FSTL4: variants seen among roughly 807,000 people sequenced by gnomAD.
FSTL4 encodes follistatin-related protein 4.
A neutral mutation model predicts 78.2 loss-of-function variants in FSTL4; 28 were observed. That is an observed-to-expected ratio of 0.36 (90% CI 0.27 to 0.49). The LOEUF (loss-of-function observed/expected upper bound fraction) is 0.49. Among genes scored for constraint, FSTL4 ranks in the 20% least tolerant of loss-of-function variants. The pLI is 0.98. For synonymous variants in FSTL4, 422 were observed against 440.5 expected (o/e 0.96, Z 0.53); for missense variants, 922 against 1,084.9 (o/e 0.85, Z 2.11).
chr5:133,574,137 G>A (rs181398948), intron 2 of FSTL4, among the ~76,000 whole-genome samples: 16 of 152,272 alleles, frequency 1.1e-4, no homozygotes, highest in East Asian at 3.9e-4. Context: ...TATATCTTAC[G>A]AATGACTTAT....
chr5:133,660,488 C>T, the FSTL4 span, among the ~76,000 whole-genome samples: 98,083 of 152,150 alleles, frequency 0.64, 32,471 homozygotes, highest in African/African-American at 0.8. Context: ...CCACAGGCCC[C>T]CTGCATCCTA....
chr5:133,392,444 T>A (rs1755873134), intron 4 of FSTL4, among the ~76,000 whole-genome samples: 1 of 152,150 alleles, frequency 6.6e-6, no homozygotes, highest in African/African-American at 2.4e-5. Flanking sequence ...CAGAGCTCAC[T>A]GCAGGAAGGA....
intron 4 of FSTL4, among the ~76,000 whole-genome samples, chr5:133,354,845 T>C (rs994491584): frequency 3.3e-5 from 5 of 152,242 alleles, no homozygotes; most frequent in Non-Finnish European, 7.3e-5. Flanking sequence ...GTGAGACTGA[T>C]GGCACCCAAG....
chr5:133,416,109 C>A (rs1309545998), intron 3 of FSTL4, among the ~76,000 whole-genome samples: 1 of 151,900 alleles, frequency 6.6e-6, no homozygotes, highest in Non-Finnish European at 1.5e-5. Flanking sequence ...AGGGAAGGGG[C>A]AGGGAAAAAA....
At chr5:133,621,574 G>A in the FSTL4 span, among the ~76,000 whole-genome samples, 7 of 152,250 alleles carry the variant, frequency 4.6e-5, no homozygotes, top group Non-Finnish European at 8.8e-5. Context: ...GCATGAGAAT[G>A]ATACAATGGA....
At chr5:133,498,110 G>A (rs1299312383) in intron 3 of FSTL4, among the ~76,000 whole-genome samples, 1 of 152,208 alleles carries the variant, frequency 6.6e-6, no homozygotes, top group Non-Finnish European at 1.5e-5. Flanking sequence ...CATACTGGGA[G>A]TTGGAGCAGT....
the FSTL4 span, among the ~76,000 whole-genome samples, chr5:133,740,153 G>T: frequency 6.6e-6 from 1 of 151,858 alleles, no homozygotes. Flanking sequence ...CAAAGTGCTG[G>T]GATTACAGGC....
At chr5:133,309,152 C>A (rs761312228) in intron 6 of FSTL4, among the ~76,000 whole-genome samples, 2 of 152,182 alleles carry the variant, frequency 1.3e-5, no homozygotes, top group East Asian at 1.9e-4. Context: ...CAGACAGGGC[C>A]AGCACACACC....
At chr5:133,658,924 CAT>C in the FSTL4 span, among the ~76,000 whole-genome samples, 1 of 152,024 alleles carries the variant, frequency 6.6e-6, no homozygotes, top group Non-Finnish European at 1.5e-5. Context: ...AATTTCCAGA[CAT>C]ATAGGGTTTT....
chr5:133,563,910 A>G (rs1177757094), intron 3 of FSTL4, among the ~76,000 whole-genome samples: 1 of 152,200 alleles, frequency 6.6e-6, no homozygotes, highest in Non-Finnish European at 1.5e-5. Flanking sequence ...ACATTTTCCA[A>G]GTGTATTACT....
the FSTL4 span, among the ~76,000 whole-genome samples, chr5:133,697,362 C>A: frequency 6.6e-6 from 1 of 152,214 alleles, no homozygotes; most frequent in African/African-American, 2.4e-5. Flanking sequence ...TCTCCACCAG[C>A]CACACTGGGC....
intron 4 of FSTL4, among the ~76,000 whole-genome samples, chr5:133,363,078 C>A (rs1330295449): frequency 1.3e-5 from 2 of 152,100 alleles, no homozygotes; most frequent in East Asian, 3.8e-4. Flanking sequence ...TCCCTTTTTA[C>A]CTCCATTTGG....
At chr5:133,537,927 T>C (rs920314536) in intron 3 of FSTL4, among the ~76,000 whole-genome samples, 19 of 151,896 alleles carry the variant, frequency 1.3e-4, no homozygotes, top group African/African-American at 4.4e-4. Flanking sequence ...AGTACATACA[T>C]GTATTTTGGG....
At chr5:133,389,258 C>A (rs1755780843) in intron 4 of FSTL4, among the ~76,000 whole-genome samples, 1 of 152,154 alleles carries the variant, frequency 6.6e-6, no homozygotes, top group African/African-American at 2.4e-5. Flanking sequence ...TCAGACAGGT[C>A]TGTTCAGGCT....
chr5:133,683,709 C>G, the FSTL4 span, among the ~76,000 whole-genome samples: 1 of 152,166 alleles, frequency 6.6e-6, no homozygotes, highest in African/African-American at 2.4e-5. Context: ...AAAACATAAC[C>G]AAGGACGTTG....
At chr5:133,398,095 C>T (rs1225640033) in intron 4 of FSTL4, among the ~76,000 whole-genome samples, 5 of 152,080 alleles carry the variant, frequency 3.3e-5, no homozygotes. Flanking sequence ...TCATCTATTT[C>T]GTTCTACTCC....
intron 6 of FSTL4, among the ~76,000 whole-genome samples, chr5:133,279,453 T>G (rs1457692747): frequency 6.6e-6 from 1 of 152,204 alleles, no homozygotes. Flanking sequence ...CAGTCCCTGG[T>G]GCCAAAAATG....
In FSTL4 at chr5:133,611,130, T is replaced by C. The variant is rs1761080410; in HGVS notation, c.-11+1195A>G. Among the ~76,000 whole-genome samples the C allele has an allele frequency of 6.6e-6, 1 of 151,898 alleles. No homozygotes were observed. The highest frequency in any genetic ancestry group is 2.4e-5 in the African/African-American group (1 of 41,356). ...GAGCGGCGGGCTGTGGCCGCGCCATTCATCAGTGTCGGCGGCCCGCGGCCG... is the reference window on the plus strand; with the variant it reads ...GAGCGGCGGGCTGTGGCCGCGCCATCCATCAGTGTCGGCGGCCCGCGGCCG... On this transcript the variant is annotated intron_variant, in intron 1 of 15. Transcript: ENST00000265342. This position sits in a 1 kb window ranked among gnomAD's most constrained non-coding sequence, Gnocchi z 4.9.
intron 4 of FSTL4, among the ~76,000 whole-genome samples, chr5:133,326,310 A>G (rs1435966895): frequency 2.6e-5 from 4 of 152,138 alleles, no homozygotes; most frequent in Non-Finnish European, 5.9e-5. Context: ...GAGCCACAAA[A>G]CTCTGAAAAT....
Sources: allele counts gnomAD v4.1 joint callset (sites outside exome capture counted in the v4.1 genomes callset), GRCh38; gene constraint gnomAD v4.1.1; non-coding constraint Gnocchi (gnomAD v3.1); transcripts MANE v1.5; gene names NCBI Gene and HGNC (gene_info 2026-07-23, HGNC 2026-07-21).